The following SRD5A2 variants were observed in gnomAD, a reference collection of about 807,000 sequenced individuals.
SRD5A2 encodes 3-oxo-5-alpha-steroid 4-dehydrogenase 2.
SRD5A2 carries 30 observed loss-of-function variants against 27.4 expected under a neutral mutation model. That is an observed-to-expected ratio of 1.10 (90% CI 0.82 to 1.49). The LOEUF is 1.49. Among genes scored for constraint, SRD5A2 ranks in the 40% most tolerant of loss-of-function variants. The pLI is 0.00. For synonymous variants in SRD5A2, 141 were observed against 133.6 expected (o/e 1.06, Z -0.38); for missense variants, 348 against 323.4 (o/e 1.08, Z -0.58).
chr2:31,584,532 G>C (rs1428233125), upstream of SRD5A2, among the ~76,000 whole-genome samples: 1 of 152,132 alleles, frequency 6.6e-6, no homozygotes, highest in South Asian at 2.1e-4. Context: ...GACATCAGCT[G>C]CAAGTTCAAG....
the SRD5A2 span, among the ~76,000 whole-genome samples, chr2:31,611,353 G>T: frequency 6.6e-6 from 1 of 152,080 alleles, no homozygotes; most frequent in Non-Finnish European, 1.5e-5. Context: ...CTGCAGCACT[G>T]TCAAAATAAA....
chr2:31,531,782 G>A (rs149532914), intron 2 of SRD5A2, among the ~76,000 whole-genome samples: 7 of 152,266 alleles, frequency 4.6e-5, no homozygotes, highest in Non-Finnish European at 1.0e-4. Context: ...ACAAATGCAT[G>A]GATCATAATA....
chr2:31,658,116 T>G, the SRD5A2 span, among the ~76,000 whole-genome samples: 1 of 152,130 alleles, frequency 6.6e-6, no homozygotes, highest in Non-Finnish European at 1.5e-5. Context: ...TTAAACAACC[T>G]GGTACTGAAT....
intron 1 of SRD5A2, among the ~76,000 whole-genome samples, chr2:31,551,415 A>G (rs1666379164): frequency 6.6e-6 from 1 of 152,294 alleles, no homozygotes; most frequent in South Asian, 2.1e-4. Flanking sequence ...ATATATCAGA[A>G]GTTGAAAATA....
At chr2:31,605,212 G>C in the SRD5A2 span, among the ~76,000 whole-genome samples, 2 of 151,848 alleles carry the variant, frequency 1.3e-5, no homozygotes, top group African/African-American at 2.4e-5. Flanking sequence ...AGACATTGGG[G>C]AAACTCTCTA....
chr2:31,566,684 G>A (rs997768999), intron 1 of SRD5A2, among the ~76,000 whole-genome samples: 1 of 152,172 alleles, frequency 6.6e-6, no homozygotes, highest in African/African-American at 2.4e-5. Flanking sequence ...GCAGCTCAGT[G>A]GGGGAGATCT....
At chr2:31,634,609 A>G in the SRD5A2 span, among the ~76,000 whole-genome samples, 1 of 152,130 alleles carries the variant, frequency 6.6e-6, no homozygotes, top group Admixed American at 6.5e-5. Context: ...ATAATTTACT[A>G]TCTTTACCAT....
Position 31,523,956 on chromosome 2 carries a change from A to G in SRD5A2, c.*2240T>C, listed in dbSNP as rs1366354036. On this transcript the variant is annotated 3_prime_UTR_variant, in exon 5 of 5. Coordinates refer to ENST00000622030, the MANE Select transcript of SRD5A2 (RefSeq NM_000348.4). ...ACTCTACCCTATATTCAGATTAAGA[A>G]GTTCCACGATCATGCTAACTTGAAA... 4.6e-6 allele frequency: 1 copy of G among 218,636 alleles called. No homozygotes were observed. Among genetic ancestry groups the G allele is most frequent in the Non-Finnish European group, 9.2e-6 (1 of 108,932 alleles). The allele number at this position is 218,636 out of a possible 1,614,324, so 13.5% of individuals were successfully genotyped here.
rs1665743816 is a variant in SRD5A2, at chr2:31,525,038, C to T, written c.*1158G>A. 4.7e-6 allele frequency: 1 copy of T among 212,028 alleles called. No homozygotes were observed. Among genetic ancestry groups the T allele is most frequent in the South Asian group, 1.9e-4 (1 of 5,282 alleles). The allele number at this position is 212,028 out of a possible 1,614,324, so 13.1% of individuals were successfully genotyped here. A position where few individuals can be genotyped will look rare whatever the true frequency, so the allele number is the denominator to read the frequency against. ...TCTCCTGATTTTTAAGTTTTTGAAA[C>T]TTTGTAAAAAAAAAAAAAACTATAT... is the stretch of plus-strand genomic sequence containing the variant. On this transcript the variant is annotated 3_prime_UTR_variant, in exon 5 of 5. Coordinates refer to ENST00000622030, the MANE Select transcript of SRD5A2 (RefSeq NM_000348.4).
chr2:31,559,028 G>A (rs1666560147), intron 1 of SRD5A2, among the ~76,000 whole-genome samples: 1 of 152,226 alleles, frequency 6.6e-6, no homozygotes, highest in Admixed American at 6.5e-5. Flanking sequence ...CCAGTACACA[G>A]CTCCAGTTCT....
At position 31,524,376 on chromosome 2, in the gene SRD5A2, T is replaced by C; in HGVS notation, c.*1820A>G. The C allele has an allele frequency of 4.4e-6, 1 of 227,360 alleles. No individual in the cohort carries two copies. Among genetic ancestry groups the C allele is most frequent in the African/African-American group, 2.2e-5 (1 of 45,118 alleles). 14.1% of individuals were successfully genotyped at this position (227,360 alleles called of 1,614,324 possible). On this transcript the variant is annotated 3_prime_UTR_variant, in exon 5 of 5. Transcript: ENST00000622030. ...TATTGTACTTCCTTGTAGTTCTGAA[T>C]TGTGGCTGAGAGGCTGTATAAGTCA...
the SRD5A2 span, among the ~76,000 whole-genome samples, chr2:31,650,787 T>A: frequency 2.6e-5 from 4 of 152,074 alleles, no homozygotes; most frequent in Admixed American, 2.6e-4. Flanking sequence ...TTCAAGACAC[T>A]GAGAAGAGAC....
intron 1 of SRD5A2, among the ~76,000 whole-genome samples, chr2:31,542,883 A>C (rs997407140): frequency 7.2e-5 from 11 of 152,182 alleles, no homozygotes; most frequent in African/African-American, 2.7e-4. Context: ...AGAATATAGG[A>C]AGAAATAATG....
intron 1 of SRD5A2, among the ~76,000 whole-genome samples, chr2:31,564,552 T>G (rs749431244): frequency 1.8e-4 from 28 of 152,060 alleles, no homozygotes; most frequent in Non-Finnish European, 3.8e-4. Context: ...GATTCAAGTT[T>G]AAGGAAGCCC....
chr2:31,594,734 C>T, the SRD5A2 span, among the ~76,000 whole-genome samples: 1 of 152,110 alleles, frequency 6.6e-6, no homozygotes, highest in Non-Finnish European at 1.5e-5. Flanking sequence ...AAACATTCTA[C>T]CCAACCAATG....
chr2:31,566,702 G>A lies in SRD5A2; in HGVS notation c.281+13918C>T, dbSNP rs889249409. ...GCTCAGTGGGGGAGATCTCACACAC[G>A]AAGTGTGACTTTTAAAATCCCTCAG... On this transcript the variant is annotated intron_variant, in intron 1 of 4. Coordinates refer to ENST00000622030, the MANE Select transcript of SRD5A2 (RefSeq NM_000348.4). 3.3e-5 allele frequency among the ~76,000 whole-genome samples: 5 copies of A among 152,182 alleles called. No homozygotes were observed. The South Asian group carries it at 6.2e-4, about 19-fold the overall frequency.
the SRD5A2 span, among the ~76,000 whole-genome samples, chr2:31,658,339 A>C: frequency 1.3e-5 from 2 of 152,068 alleles, no homozygotes; most frequent in African/African-American, 2.4e-5. Flanking sequence ...GAGCAAACCA[A>C]CCCCAAAGCT....
the SRD5A2 span, among the ~76,000 whole-genome samples, chr2:31,594,043 G>T: frequency 6.6e-6 from 1 of 152,086 alleles, no homozygotes; most frequent in African/African-American, 2.4e-5. Context: ...AATGCTAAAA[G>T]AAATTCTAAA....
the SRD5A2 span, among the ~76,000 whole-genome samples, chr2:31,652,338 T>C: frequency 6.6e-6 from 1 of 152,220 alleles, no homozygotes; most frequent in Non-Finnish European, 1.5e-5. Context: ...GGCAGATTTT[T>C]AACTTGGCCA....
Sources: allele counts gnomAD v4.1 joint callset (sites outside exome capture counted in the v4.1 genomes callset), GRCh38; gene constraint gnomAD v4.1.1; transcripts MANE v1.5; gene names NCBI Gene and HGNC (gene_info 2026-07-23, HGNC 2026-07-21).